The following MSN variants were observed in gnomAD, a reference collection of about 807,000 sequenced individuals.
MSN encodes the protein moesin.
MSN carries 2 observed loss-of-function variants against 48.0 expected under a neutral mutation model. The ratio of observed to expected loss-of-function variants is 0.04; its 90% CI spans 0.02 to 0.13. MSN has a LOEUF of 0.13. MSN is among the 10% of genes least tolerant of loss of function. MSN has a pLI of 1.00. For synonymous variants in MSN, 146 were observed against 166.9 expected (o/e 0.87, Z 0.97); for missense variants, 267 against 470.1 (o/e 0.57, Z 3.99).
intron 10 of MSN, 105 bp from the exon 11 acceptor site, chrX:65,738,420 G>T: frequency 1.7e-6 from 1 of 589,777 alleles, no homozygotes; most frequent in Non-Finnish European, 2.7e-6. Context: ...GCAAGCAAGT[G>T]GAGCAGTAGG....
At chrX:65,728,737 C>T (rs750552304) in intron 3 of MSN, among the ~76,000 whole-genome samples, 2 of 111,670 alleles carry the variant, frequency 1.8e-5, no homozygotes, top group African/African-American at 6.5e-5. Context: ...GATCTTTTAC[C>T]TCAGTTGGAC....
At position 65,739,002 on chromosome X, in the gene MSN, C is replaced by T; in HGVS notation, c.1377C>T (p.Thr459=). 8.3e-7 allele frequency: 1 copy of T among 1,211,425 alleles called. No individual in the cohort carries two copies. Among genetic ancestry groups the T allele is most frequent in the Non-Finnish European group, 1.1e-6 (1 of 895,340 alleles). ...AQMVQEDLEK[T]RAELKTAMST... is the part of the protein sequence containing the mutation. ...TGGTACAGGAAGACTTGGAGAAGAC[C>T]CGTGCTGAGCTGAAGACTGCCATGA... Residue 459 remains threonine, a synonymous_variant, in exon 12 of 13, where the codon ACC becomes ACT. Transcript: ENST00000360270.
At chrX:65,655,812 G>C (rs1206806732) in intron 1 of MSN, among the ~76,000 whole-genome samples, 1 of 112,306 alleles carries the variant, frequency 8.9e-6, no homozygotes, top group East Asian at 2.8e-4. Flanking sequence ...TGTCGCCCAG[G>C]CTGGAGTGCA....
At chrX:65,617,948 C>T (rs2070392179) in intron 1 of MSN, among the ~76,000 whole-genome samples, 1 of 108,329 alleles carries the variant, frequency 9.2e-6, no homozygotes, top group African/African-American at 3.4e-5. Flanking sequence ...TTATTTCTGC[C>T]TTCATTTCGT....
chrX:65,694,451 C>T (rs959503461), intron 1 of MSN, among the ~76,000 whole-genome samples: 11 of 110,059 alleles, frequency 1.0e-4, no homozygotes, highest in Non-Finnish European at 2.1e-4. Flanking sequence ...GTCTCAGCCT[C>T]CCGAGGAGCT....
intron 1 of MSN, among the ~76,000 whole-genome samples, chrX:65,621,344 G>A (rs1053624729): frequency 2.7e-5 from 3 of 111,984 alleles, no homozygotes; most frequent in Non-Finnish European, 5.6e-5. Flanking sequence ...AATTGTCCTG[G>A]CACCATATGT....
intron 1 of MSN, among the ~76,000 whole-genome samples, chrX:65,660,727 C>T (rs1184304076): frequency 4.5e-5 from 5 of 110,255 alleles, no homozygotes; most frequent in East Asian, 2.9e-4. Flanking sequence ...CCACCACACC[C>T]GGCTAATTTT....
intron 1 of MSN, among the ~76,000 whole-genome samples, chrX:65,651,237 A>G (rs2148374935): frequency 9.2e-6 from 1 of 108,187 alleles, no homozygotes; most frequent in African/African-American, 3.4e-5. Context: ...CCTTGCCAAC[A>G]TGGTGAAACC....
chrX:65,692,241 G>A (rs1283047294), intron 1 of MSN, among the ~76,000 whole-genome samples: 3 of 112,573 alleles, frequency 2.7e-5, no homozygotes, highest in Non-Finnish European at 5.6e-5. Context: ...AGAGGCCTGG[G>A]AGTCAGGTAC....
Position 65,729,435 on chromosome X carries a change from C to T in MSN, c.193-3C>T. On this transcript the variant is annotated splice_region_variant and splice_polypyrimidine_tract_variant and intron_variant, in intron 3 of 12. Coordinates refer to ENST00000360270, the MANE Select transcript of MSN (RefSeq NM_002444.3). Reference sequence around the variant, plus strand: ...GAGAGTCCATAACCCTTACTCTTCCCAGGTGACTGCCCAGGATGTGCGGAA... The same window carrying T: ...GAGAGTCCATAACCCTTACTCTTCCTAGGTGACTGCCCAGGATGTGCGGAA... 1.7e-6 allele frequency: 2 copies of T among 1,209,300 alleles called. No homozygotes were observed. The highest frequency in any genetic ancestry group is 2.2e-6 in the Non-Finnish European group (2 of 894,210).
At chrX:65,659,658 C>T (rs944759787) in intron 1 of MSN, among the ~76,000 whole-genome samples, 6 of 111,484 alleles carry the variant, frequency 5.4e-5, no homozygotes, top group African/African-American at 2.0e-4. Flanking sequence ...CCTTGGACTC[C>T]AGCTCCAGAA....
chrX:65,588,780 ACC>A, intron 1 of MSN: 1 of 231,337 alleles, frequency 4.3e-6, no homozygotes, highest in Non-Finnish European at 6.4e-6. Context: ...TTTGACCCCC[ACC>A]CCCCAACCAT....
At position 65,637,406 on chromosome X, in the gene MSN, A is replaced by G. The variant is rs754904272; in HGVS notation, c.-22+48794A>G. ...AACGAGAGCAAAACTCCATCTTAAG[A>G]AAAAAAAAAAAAAAGAAAAGAAAGA... On this transcript the variant is annotated intron_variant, in intron 1 of 3. Transcript: ENST00000609672. Among the ~76,000 whole-genome samples, 23 of 99,875 alleles carry G rather than the reference A, an allele frequency of 2.3e-4. No individual in the cohort carries two copies. The East Asian group carries it at 3.4e-3, about 15-fold the overall frequency. 86.7% of individuals were successfully genotyped at this position (99,875 alleles called of 115,157 possible).
intron 2 of MSN, among the ~76,000 whole-genome samples, chrX:65,718,512 T>C (rs1304243723): frequency 2.7e-5 from 3 of 111,582 alleles, no homozygotes; most frequent in Non-Finnish European, 5.6e-5. Flanking sequence ...TCCAATACCA[T>C]TGTGCTTCTT....
At chrX:65,649,631 G>A (rs897214434) in intron 1 of MSN, among the ~76,000 whole-genome samples, 30 of 103,969 alleles carry the variant, frequency 2.9e-4, no homozygotes, top group Admixed American at 2.6e-3. Flanking sequence ...GTGTATGCGC[G>A]TGTGTATATG....
At chrX:65,726,513 A>G (rs1007902457) in intron 2 of MSN, among the ~76,000 whole-genome samples, 2 of 111,330 alleles carry the variant, frequency 1.8e-5, no homozygotes. Context: ...CTGAAGCTCT[A>G]GATTGTAAAC....
At chrX:65,642,952 G>A (rs1246891476) in intron 1 of MSN, among the ~76,000 whole-genome samples, 1 of 110,266 alleles carries the variant, frequency 9.1e-6, no homozygotes, top group African/African-American at 3.3e-5. Flanking sequence ...TATCCCCTCA[G>A]AGAGATCTCC....
chrX:65,636,572 C>A (rs971112038), intron 1 of MSN, among the ~76,000 whole-genome samples: 10 of 107,397 alleles, frequency 9.3e-5, no homozygotes, highest in Non-Finnish European at 1.9e-4. Context: ...TGGTGAAATC[C>A]TGTCTCTACT....
At chrX:65,667,090 T>G (rs2070878725), upstream of MSN, among the ~76,000 whole-genome samples, 1 of 111,073 alleles carries the variant, frequency 9.0e-6, no homozygotes, top group Non-Finnish European at 1.9e-5. Flanking sequence ...ATGAAGTGTT[T>G]TAAGAGGTGA....
Sources: allele counts gnomAD v4.1 joint callset (sites outside exome capture counted in the v4.1 genomes callset), GRCh38; gene constraint gnomAD v4.1.1; transcripts MANE v1.5; gene names NCBI Gene and HGNC (gene_info 2026-07-23, HGNC 2026-07-21).